Variants in ASB5 observed in about 807,000 individuals in gnomAD.
The protein encoded by ASB5 is ankyrin repeat and SOCS box containing 5.
Under a neutral mutation model 42.1 loss-of-function variants are expected in ASB5, and 45 were observed. The observed-to-expected ratio is 1.07, with a 90% CI of 0.84 to 1.37. The LOEUF is 1.37. ASB5 is among the 40% of genes most tolerant of loss of function. The probability of loss-of-function intolerance (pLI) is 0.00; values close to 1 mark genes in which losing one functional copy is unlikely to be tolerated. For synonymous variants in ASB5, 147 were observed against 150.6 expected (o/e 0.98, Z 0.18); for missense variants, 402 against 399.8 (o/e 1.01, Z -0.05).
intron 6 of ASB5, among the ~76,000 whole-genome samples, chr4:176,216,362 C>A (rs1752969135): frequency 6.6e-6 from 1 of 151,358 alleles, no homozygotes; most frequent in Non-Finnish European, 1.5e-5. Context: ...CATTTTTTTT[C>A]TTTTTTTTAG....
At chr4:176,238,080 G>T (rs564532299) in intron 1 of ASB5, among the ~76,000 whole-genome samples, 130 of 152,104 alleles carry the variant, frequency 8.5e-4, no homozygotes, top group Non-Finnish European at 9.3e-4. Flanking sequence ...AAATTAGCTG[G>T]ACATAGGGAC....
At chr4:176,253,979 T>C (rs1754097651) in intron 1 of ASB5, among the ~76,000 whole-genome samples, 1 of 152,204 alleles carries the variant, frequency 6.6e-6, no homozygotes, top group African/African-American at 2.4e-5. Context: ...ATGGCCATAC[T>C]GCCCATAGAA....
chr4:176,222,405 C>A lies in ASB5; in HGVS notation c.292G>T (p.Ala98Ser), dbSNP rs146049326. Residue 98 changes from alanine to serine, a missense_variant, in exon 3 of 7, where the codon GCA becomes TCA. Ala to Ser is a moderately conservative substitution (Grantham distance 99). Transcript: ENST00000296525. ...GGGGTGACATGGTCTAAGGTTACTGCATTTACATTATAACCCTAAATGTGG... is the reference window on the plus strand; with the variant it reads ...GGGGTGACATGGTCTAAGGTTACTGAATTTACATTATAACCCTAAATGTGG... ...TLLSQGYNVNAVTLDHVTPLH... is the reference protein window; with the variant it reads ...TLLSQGYNVNSVTLDHVTPLH... 2.4e-5 allele frequency: 38 copies of A among 1,612,926 alleles called. 2 individuals are homozygous for A. The highest frequency in any genetic ancestry group is 2.1e-4 in the African/African-American group (16 of 74,988).
intron 1 of ASB5, among the ~76,000 whole-genome samples, chr4:176,248,340 C>G (rs1016721117): frequency 3.3e-5 from 5 of 152,202 alleles, no homozygotes; most frequent in Admixed American, 3.3e-4. Flanking sequence ...GTTGCCCAAG[C>G]TGGTCTCCTG....
intron 1 of ASB5, among the ~76,000 whole-genome samples, chr4:176,248,214 C>T (rs1245096253): frequency 1.3e-5 from 2 of 152,096 alleles, no homozygotes; most frequent in Non-Finnish European, 2.9e-5. Context: ...GCAGCCTCAC[C>T]CTCCCCAGGC....
chr4:176,243,774 T>C (rs1579325765), intron 1 of ASB5, among the ~76,000 whole-genome samples: 1 of 152,164 alleles, frequency 6.6e-6, no homozygotes, highest in African/African-American at 2.4e-5. Flanking sequence ...AAAATGCTGG[T>C]ATTACAGGCA....
At chr4:176,229,137 C>T (rs777101247) in intron 1 of ASB5, among the ~76,000 whole-genome samples, 1 of 151,864 alleles carries the variant, frequency 6.6e-6, no homozygotes, top group Non-Finnish European at 1.5e-5. Context: ...GATCAGTTTC[C>T]CTCTTGTATA....
intron 1 of ASB5, among the ~76,000 whole-genome samples, chr4:176,250,960 T>C (rs1171494601): frequency 6.6e-6 from 1 of 152,212 alleles, no homozygotes; most frequent in Non-Finnish European, 1.5e-5. Flanking sequence ...CACCGTTTTA[T>C]CTACCAACTG....
chr4:176,220,463 G>A lies in ASB5; in HGVS notation c.670+692C>T, dbSNP rs558639694. Among the ~76,000 whole-genome samples the A allele has an allele frequency of 1.1e-4, 16 of 152,304 alleles. No individual in the cohort carries two copies. The South Asian group carries it at 2.9e-3, about 28-fold the overall frequency. ...TATATTCTAAACATCTATCAGATGA[G>A]AGGATGAGAGAGAGGAACGACGCTA... On this transcript the variant is annotated intron_variant, in intron 5 of 6. Transcript: ENST00000296525.
At position 176,253,166 on chromosome 4, in the gene ASB5, T is replaced by C. The variant is rs75016934; in HGVS notation, c.196+15747A>G. Among the ~76,000 whole-genome samples, 4,162 of 152,270 alleles carry C rather than the reference T, an allele frequency of 0.027. 255 individuals are homozygous for C. In the East Asian group the frequency reaches 0.27, roughly 10 times the overall value. On this transcript the variant is annotated intron_variant, in intron 1 of 6. Transcript: ENST00000296525. ...TTTTTCCATTTCTCATTGTCTCCTG[T>C]CTTCAAATATTAATCACATAATATA...
chr4:176,224,688 T>C (rs17062639), intron 2 of ASB5, among the ~76,000 whole-genome samples: 41,641 of 141,212 alleles, frequency 0.29, 5,890 homozygotes, highest in East Asian at 0.47. Flanking sequence ...TGCATTTGAA[T>C]TACATCAGAA....
intron 1 of ASB5, among the ~76,000 whole-genome samples, chr4:176,254,027 C>A (rs1164106266): frequency 6.6e-6 from 1 of 152,108 alleles, no homozygotes; most frequent in Admixed American, 6.6e-5. Flanking sequence ...AAACCAGGAA[C>A]ATCATTTTTC....
chr4:176,272,690 C>T (rs973118089), upstream of ASB5, among the ~76,000 whole-genome samples: 1 of 152,098 alleles, frequency 6.6e-6, no homozygotes, highest in African/African-American at 2.4e-5. Context: ...AGGGACTTTG[C>T]TTCATGTCAC....
chr4:176,275,199 G>A (rs1293493012), intron 2 of ASB5, among the ~76,000 whole-genome samples: 3 of 152,112 alleles, frequency 2.0e-5, no homozygotes, highest in African/African-American at 7.2e-5. Flanking sequence ...ACAGGCATAA[G>A]CCTCCGCATC....
At chr4:176,232,376 G>A (rs770217925) in intron 1 of ASB5, among the ~76,000 whole-genome samples, 42 of 151,932 alleles carry the variant, frequency 2.8e-4, no homozygotes, top group Non-Finnish European at 3.8e-4. Flanking sequence ...CACCCGCCTC[G>A]GCCTCCCAAA....
At chr4:176,233,671 T>C (rs983971438) in intron 1 of ASB5, among the ~76,000 whole-genome samples, 3 of 152,198 alleles carry the variant, frequency 2.0e-5, no homozygotes, top group African/African-American at 7.2e-5. Context: ...TGCGGTAGTT[T>C]CTTTTCCCAC....
upstream of ASB5, among the ~76,000 whole-genome samples, chr4:176,270,936 A>T (rs1426715954): frequency 6.6e-6 from 1 of 152,174 alleles, no homozygotes; most frequent in Non-Finnish European, 1.5e-5. Flanking sequence ...CTAAGTGCCC[A>T]TCTAAGGTTT....
At chr4:176,219,072 A>AATATATATATATTTGTATGATATATAAAT (rs1383705144) in intron 5 of ASB5, among the ~76,000 whole-genome samples, 2 of 60,292 alleles carry the variant, frequency 3.3e-5, no homozygotes, top group African/African-American at 7.8e-5. Flanking sequence ...ATGATATATA[A>AATATATATATATTTGTATGATATATAAAT]ATATATATAT....
At chr4:176,237,987 C>G (rs879833414) in intron 1 of ASB5, among the ~76,000 whole-genome samples, 6 of 152,014 alleles carry the variant, frequency 3.9e-5, no homozygotes, top group Non-Finnish European at 8.8e-5. Flanking sequence ...CTTGGGAGGC[C>G]GAGGCAGGCA....
Sources: allele counts gnomAD v4.1 joint callset (sites outside exome capture counted in the v4.1 genomes callset), GRCh38; gene constraint gnomAD v4.1.1; transcripts MANE v1.5; gene names NCBI Gene and HGNC (gene_info 2026-07-23, HGNC 2026-07-21).